The following FRY variants were observed in gnomAD, a reference collection of about 807,000 sequenced individuals.
FRY encodes the protein protein furry homolog.
A neutral mutation model predicts 348.4 loss-of-function variants in FRY; 128 were observed. The ratio of observed to expected loss-of-function variants is 0.37; its 90% CI spans 0.32 to 0.43. The LOEUF (loss-of-function observed/expected upper bound fraction) is 0.43, where lower values mean the gene tolerates loss of function less well. Ranked by LOEUF, FRY falls within the 20% of genes least tolerant of loss-of-function variation. The pLI is 1.00. For synonymous variants in FRY, 1,370 were observed against 1,374.7 expected, an observed-to-expected ratio of 1.00 and a Z score of 0.08; for missense variants, 2,736 against 3,695.2, an observed-to-expected ratio of 0.74 and a Z score of 6.73.
chr13:32,093,108 T>C (rs1876441954), intron 2 of FRY, among the ~76,000 whole-genome samples: 1 of 152,162 alleles, frequency 6.6e-6, no homozygotes, highest in African/African-American at 2.4e-5. Context: ...CCCTGAACCT[T>C]CCCCTGATAT....
At chr13:32,044,667 C>T (rs1167621725) in intron 1 of FRY, among the ~76,000 whole-genome samples, 2 of 152,210 alleles carry the variant, frequency 1.3e-5, no homozygotes, top group Non-Finnish European at 2.9e-5. Context: ...CTGAAAGAGC[C>T]AGATGCTTGC....
At chr13:32,148,029 G>A (rs958099834) in intron 13 of FRY, 82 bp downstream of exon 13, 9 of 832,904 alleles carry the variant, frequency 1.1e-5, no homozygotes, top group East Asian at 2.4e-5. Flanking sequence ...ACTAAAAGAC[G>A]GAAAGTCTAA....
intron 1 of FRY, among the ~76,000 whole-genome samples, chr13:32,076,992 G>T (rs1472885490): frequency 2.6e-5 from 4 of 152,232 alleles, no homozygotes; most frequent in Non-Finnish European, 1.5e-5. Flanking sequence ...AAACTGATCA[G>T]TGAGGACTGG....
chr13:32,239,566 T>C lies in FRY; in HGVS notation c.6517-145T>C, dbSNP rs1020386653. ...AGGTGGGAAGAATTTGTGAAAATTA[T>C]ATTAGCCAAGCTAAGTATTTCCTGT... On this transcript the variant is annotated intron_variant, in intron 45 of 60. Coordinates refer to ENST00000542859, the MANE Select transcript of FRY (RefSeq NM_023037.3). The surrounding 1 kb of genome is among the most constrained non-coding windows in gnomAD (Gnocchi z 4.3). The C allele has an allele frequency of 2.8e-6, 2 of 718,532 alleles. No individual in the cohort carries two copies. The highest frequency in any genetic ancestry group is 4.8e-6 in the Non-Finnish European group (2 of 415,244). The allele number at this position is 718,532 out of a possible 1,614,324, so 44.5% of individuals were successfully genotyped here. A position where few individuals can be genotyped will look rare whatever the true frequency, so the allele number is the denominator to read the frequency against.
chr13:32,274,536 C>G (rs181057035), intron 55 of FRY, among the ~76,000 whole-genome samples: 2 of 151,186 alleles, frequency 1.3e-5, no homozygotes, highest in East Asian at 1.9e-4. Flanking sequence ...AACCCCGTCT[C>G]TACTAAAAAT....
rs1344085409 is a variant in FRY at position 32,289,750 on chromosome 13, C to A, written c.8580+7C>A. ...AGTTAGCTCCATGCCAGAGGTGAGTCCACACGCTTCCCAACCCCACGTCCC... is the reference window on the plus strand; with the variant it reads ...AGTTAGCTCCATGCCAGAGGTGAGTACACACGCTTCCCAACCCCACGTCCC... On this transcript the variant is annotated splice_region_variant and intron_variant, in intron 59 of 60. Coordinates refer to ENST00000542859, the MANE Select transcript of FRY (RefSeq NM_023037.3). 6 of 1,459,300 alleles carry A rather than the reference C, an allele frequency of 4.1e-6. No individual in the cohort carries two copies. The highest frequency in any genetic ancestry group is 3.9e-6 in the Non-Finnish European group (4 of 1,038,530). 90.4% of individuals were successfully genotyped at this position (1,459,300 alleles called of 1,614,324 possible). A position where few individuals can be genotyped will look rare whatever the true frequency, so the allele number is the denominator to read the frequency against.
At chr13:32,124,513 A>G (rs1878905307) in intron 5 of FRY, 89 bp from the exon 6 acceptor site, 4 of 876,858 alleles carry the variant, frequency 4.6e-6, no homozygotes, top group Admixed American at 1.9e-5. Context: ...ATTGATTGCT[A>G]TTGATTGTCA....
intron 28 of FRY, among the ~76,000 whole-genome samples, chr13:32,187,905 A>G (rs1487292461): frequency 1.3e-5 from 2 of 152,278 alleles, no homozygotes; most frequent in East Asian, 3.9e-4. Flanking sequence ...AATGATAGAG[A>G]CTATGTTCTC....
chr13:32,281,845 T>G (rs1339031681), intron 58 of FRY, among the ~76,000 whole-genome samples: 3 of 152,186 alleles, frequency 2.0e-5, no homozygotes, highest in Non-Finnish European at 2.9e-5. Context: ...TTACAGTTAT[T>G]CTCTGTTTTA....
intron 1 of FRY, among the ~76,000 whole-genome samples, chr13:32,046,416 G>C (rs1217751701): frequency 6.6e-6 from 1 of 152,210 alleles, no homozygotes; most frequent in African/African-American, 2.4e-5. Context: ...TGATGCTGCT[G>C]GGGCTGGCAA....
intron 3 of FRY, among the ~76,000 whole-genome samples, chr13:32,115,888 T>C (rs1443176095): frequency 6.6e-6 from 1 of 152,124 alleles, no homozygotes. Context: ...ATATGTATAC[T>C]TACATAGTAT....
chr13:32,112,814 A>G (rs533348488), intron 3 of FRY, among the ~76,000 whole-genome samples: 4 of 152,330 alleles, frequency 2.6e-5, no homozygotes, highest in African/African-American at 9.6e-5. Context: ...AGCTAAAATC[A>G]CTTTCTACCA....
At chr13:32,212,429 A>C (rs771268774) in intron 35 of FRY, 47 bp downstream of exon 35, 25 of 1,061,594 alleles carry the variant, frequency 2.4e-5, no homozygotes, top group Admixed American at 7.5e-5. Context: ...GTTCTGCAAT[A>C]ATCTATACAT....
chr13:32,076,211 A>T (rs1372994851), intron 1 of FRY, among the ~76,000 whole-genome samples: 1 of 152,174 alleles, frequency 6.6e-6, no homozygotes, highest in African/African-American at 2.4e-5. Context: ...GCAATTATGG[A>T]TCTTGTCTTG....
chr13:32,195,491 A>G (rs569341633), intron 29 of FRY, among the ~76,000 whole-genome samples: 108 of 152,326 alleles, frequency 7.1e-4, no homozygotes, highest in African/African-American at 2.4e-3. Flanking sequence ...TTTAGAATCT[A>G]TGGCTTGGGC....
At chr13:32,275,710 C>T (rs1404919507) in intron 56 of FRY, among the ~76,000 whole-genome samples, 2 of 152,196 alleles carry the variant, frequency 1.3e-5, no homozygotes, top group Non-Finnish European at 2.9e-5. Context: ...ACCCCCAAGT[C>T]TCTAACAGAG....
intron 3 of FRY, among the ~76,000 whole-genome samples, chr13:32,116,098 A>G (rs1250594635): frequency 3.3e-5 from 5 of 152,176 alleles, no homozygotes; most frequent in African/African-American, 9.7e-5. Context: ...TCCTTTTGCT[A>G]TAATAAATAA....
chr13:32,139,396 C>T (rs764321357), intron 11 of FRY, among the ~76,000 whole-genome samples: 3 of 152,164 alleles, frequency 2.0e-5, no homozygotes, highest in South Asian at 2.1e-4. Flanking sequence ...TAGTGAACTT[C>T]GCACCTGAAT....
At chr13:32,079,647 A>G (rs1875347299) in intron 2 of FRY, among the ~76,000 whole-genome samples, 1 of 152,192 alleles carries the variant, frequency 6.6e-6, no homozygotes, top group Admixed American at 6.5e-5. Flanking sequence ...TGCTTCTGCT[A>G]GAAAATAAGG....
Sources: gnomAD v4.1 joint callset for allele counts (sites outside exome capture counted in the v4.1 genomes callset) on GRCh38, gnomAD v4.1.1 for gene constraint, Gnocchi (gnomAD v3.1) non-coding constraint, MANE v1.5 for transcripts, NCBI Gene and HGNC (gene_info 2026-07-23, HGNC 2026-07-21) for gene names.